Variants in CISD2 observed in about 807,000 individuals in gnomAD.
CISD2 encodes CDGSH iron-sulfur domain-containing protein 2.
In CISD2, 1 loss-of-function variant was observed where a neutral mutation model predicts 12.9. The observed-to-expected ratio is 0.08, with a 90% confidence interval of 0.03 to 0.37. CISD2 has a LOEUF of 0.37. CISD2 is among the 10% of genes least tolerant of loss of function. The probability of loss-of-function intolerance (pLI) is 0.99; values close to 1 mark genes in which losing one functional copy is unlikely to be tolerated. For synonymous variants in CISD2, 50 were observed against 60.6 expected (o/e 0.83, Z 0.81); for missense variants, 97 against 163.1 (o/e 0.59, Z 2.21).
At chr4:102,880,267 G>C (rs2110396423) in intron 1 of CISD2, among the ~76,000 whole-genome samples, 1 of 152,242 alleles carries the variant, frequency 6.6e-6, no homozygotes, top group Non-Finnish European at 1.5e-5. Context: ...TATATTGTGA[G>C]TGGGGAACAT....
rs1733505882 is a variant in CISD2 at position 102,873,227 on chromosome 4, CAGCTATTCA to C, written c.103+4043_103+4051del. 2.0e-5 allele frequency among the ~76,000 whole-genome samples: 3 copies of C among 152,248 alleles called. No homozygotes were observed. The South Asian group carries it at 6.2e-4, about 32-fold the overall frequency. On this transcript the variant is annotated intron_variant, in intron 1 of 2. Transcript: ENST00000273986. ...GTGGGGACACAAAGCCTGACCAAAT[CAGCTATTCA>C]AGTTGCTTTGAAATTTTCTTTTCTG...
rs1403611993 is a variant in CISD2 at position 102,885,254 on chromosome 4, C to T, written c.142C>T (p.Leu48Phe). The change falls in exon 2 of 3, where the codon CTC becomes TTC. Residue 48 changes from leucine (L) to phenylalanine (F), a missense_variant. Transcript: ENST00000273986. ...TCGGTTATTGCCTTTCCTTGGTGTACTCGCACTTCTTGGCTACCTTGCAGT... is the reference window on the plus strand; with the variant it reads ...TCGGTTATTGCCTTTCCTTGGTGTATTCGCACTTCTTGGCTACCTTGCAGT... ...WLRLLPFLGV[L>F]ALLGYLAVRP... 1.9e-6 allele frequency: 3 copies of T among 1,614,058 alleles called. No homozygotes were observed. The highest frequency in any genetic ancestry group is 2.5e-6 in the Non-Finnish European group (3 of 1,179,962).
intron 1 of CISD2, among the ~76,000 whole-genome samples, chr4:102,870,818 T>C (rs1046104777): frequency 6.6e-6 from 1 of 152,194 alleles, no homozygotes; most frequent in African/African-American, 2.4e-5. Context: ...AAATACTTAT[T>C]TTAGTTTTAA....
rs223332 is a variant in CISD2, at chr4:102,869,029, G to T, written c.-56G>T. The T allele has an allele frequency of 0.51, 778,378 of 1,522,694 alleles. 203,064 individuals are homozygous for T. Among genetic ancestry groups the T allele is most frequent in the African/African-American group, 0.8 (56,946 of 71,444 alleles). 94.3% of individuals were successfully genotyped at this position (1,522,694 alleles called of 1,614,324 possible). A position where few individuals can be genotyped will look rare whatever the true frequency, so the allele number is the denominator to read the frequency against. The stretch of plus-strand genomic sequence containing the variant: ...CCGCTTCCGCTCCCGGCGCAGGCGC[G>T]GCAGCTTGGCCAGAGCGGAGGGGGC... On this transcript the variant is annotated 5_prime_UTR_variant, in exon 1 of 3. Transcript: ENST00000273986.
At chr4:102,878,124 CT>C (rs562313726) in intron 1 of CISD2, among the ~76,000 whole-genome samples, 4 of 128,340 alleles carry the variant, frequency 3.1e-5, no homozygotes, top group Admixed American at 1.7e-4. Flanking sequence ...ATGGGTTTTT[CT>C]TTTTTTTGGG....
intron 1 of CISD2, among the ~76,000 whole-genome samples, chr4:102,877,476 T>TG (rs912070069): frequency 6.6e-6 from 1 of 152,220 alleles, no homozygotes; most frequent in African/African-American, 2.4e-5. Flanking sequence ...CCCATGGCCT[T>TG]GGGCAGCTCC....
intron 2 of CISD2, among the ~76,000 whole-genome samples, 177 bp from the exon 3 acceptor site, chr4:102,887,142 ACCAAATAATGAAGTAACTGTTT>A: frequency 6.6e-6 from 1 of 152,220 alleles, no homozygotes; most frequent in African/African-American, 2.4e-5. Flanking sequence ...TAAAATCTAA[ACCAAATAATGAAGTAACTGTTT>A]AAATTGTTAG....
intron 1 of CISD2, among the ~76,000 whole-genome samples, chr4:102,872,328 C>T (rs1237149504): frequency 6.6e-6 from 1 of 152,186 alleles, no homozygotes; most frequent in Admixed American, 6.5e-5. Context: ...CCTCGGCCGC[C>T]CAAAGTGCTG....
intron 1 of CISD2, among the ~76,000 whole-genome samples, chr4:102,878,460 T>G (rs896810022): frequency 6.6e-6 from 1 of 152,188 alleles, no homozygotes; most frequent in African/African-American, 2.4e-5. Flanking sequence ...ATCATCAGAC[T>G]GCAAATTTTC....
At position 102,885,207 on chromosome 4, in the gene CISD2, C is replaced by CA. The variant is rs1560905747; in HGVS notation, c.104-8dup. ...AGCACTGCAGATTCTGACACATCTA[C>CA]ATGTTTAGTTTCAGAATGGCTTCGG... On this transcript the variant is annotated splice_polypyrimidine_tract_variant and intron_variant, in intron 1 of 2. Transcript: ENST00000273986. 9 of 1,608,924 alleles carry CA rather than the reference C, an allele frequency of 5.6e-6. No individual in the cohort carries two copies. The highest frequency in any genetic ancestry group is 6.8e-6 in the Non-Finnish European group (8 of 1,175,408).
intron 1 of CISD2, chr4:102,869,622 G>A (rs1029124662): frequency 1.5e-6 from 1 of 653,804 alleles, no homozygotes; most frequent in Non-Finnish European, 2.8e-6. Context: ...GTGGGTGGGA[G>A]TGTGTGGGAG....
At position 102,892,339 on chromosome 4, in the gene CISD2, C is replaced by G. The variant is rs182994503; in HGVS notation, c.*4909C>G. 353 of 152,368 alleles carry G rather than the reference C, an allele frequency of 2.3e-3. 2 individuals carry two copies. The highest frequency in any genetic ancestry group is 8.0e-3 in the African/African-American group (331 of 41,596). 9.4% of individuals were successfully genotyped at this position (152,368 alleles called of 1,614,324 possible). A position where few individuals can be genotyped will look rare whatever the true frequency, so the allele number is the denominator to read the frequency against. ...ACTCCCAAAGTGCTGGGATTGCAGGCATGAGCAACCATGCCTGGTGTTTTA... is the reference window on the plus strand; with the variant it reads ...ACTCCCAAAGTGCTGGGATTGCAGGGATGAGCAACCATGCCTGGTGTTTTA... On this transcript the variant is annotated 3_prime_UTR_variant, in exon 3 of 3. Coordinates refer to ENST00000273986, the MANE Select transcript of CISD2 (RefSeq NM_001008388.5).
intron 1 of CISD2, among the ~76,000 whole-genome samples, chr4:102,884,278 CCTTATACT>C (rs928407713): frequency 1.3e-5 from 2 of 152,118 alleles, no homozygotes; most frequent in African/African-American, 4.8e-5. Context: ...GAGCTAGTGC[CCTTATACT>C]CTTAGCATAA....
chr4:102,873,724 G>A (rs1292435553), intron 1 of CISD2, among the ~76,000 whole-genome samples: 2 of 95,824 alleles, frequency 2.1e-5, no homozygotes, highest in African/African-American at 5.2e-5. Context: ...GAGCGAAACC[G>A]TCTCAAAAAA....
At chr4:102,886,096 A>G (rs2110401510) in intron 2 of CISD2, among the ~76,000 whole-genome samples, 1 of 152,306 alleles carries the variant, frequency 6.6e-6, no homozygotes, top group Middle Eastern at 3.4e-3. Context: ...TATCTGATAA[A>G]AAGGGAATGA....
rs766086013 is a variant in CISD2 at position 102,885,338 on chromosome 4, C to G, written c.226C>G (p.Gln76Glu). The G allele has an allele frequency of 6.2e-7, 1 of 1,613,888 alleles. No individual in the cohort carries two copies. The highest frequency in any genetic ancestry group is 8.5e-7 in the Non-Finnish European group (1 of 1,179,848). Residue 76 changes from glutamine (Q) to glutamate (E), a missense_variant, in exon 2 of 3, where the codon CAA (glutamine) becomes GAA (glutamate). Gln to Glu is a conservative substitution (Grantham distance 29). Coordinates refer to ENST00000273986, the MANE Select transcript of CISD2 (RefSeq NM_001008388.5). ...GGATAGCTTGATTAATCTTAAAATA[C>G]AAAAGGAAAATCCGAAAGTAGTGAA... ...QKDSLINLKI[Q>E]KENPKVVNEI...
In CISD2 at chr4:102,890,991, C is replaced by G. The variant is rs759488759; in HGVS notation, c.*3561C>G. The G allele has an allele frequency of 6.6e-6, 1 of 150,566 alleles. No individual in the cohort carries two copies. The highest frequency in any genetic ancestry group is 1.5e-5 in the Non-Finnish European group (1 of 67,980). The allele number at this position is 150,566 out of a possible 1,614,324, so 9.3% of individuals were successfully genotyped here. On this transcript the variant is annotated 3_prime_UTR_variant, in exon 3 of 3. Transcript: ENST00000273986. ...TGGAAAGCAGGGGTGAATTAAAGAC[C>G]ACTTTGAAGGCTGGGAAAAGCAGAT...
chr4:102,869,097 A>T lies in CISD2; in HGVS notation c.13A>T (p.Ser5Cys). 6.2e-7 allele frequency: 1 copy of T among 1,611,284 alleles called. No individual in the cohort carries two copies. Among genetic ancestry groups the T allele is most frequent in the Non-Finnish European group, 8.5e-7 (1 of 1,178,996 alleles). ...GCCGCTGGCCAGGATGGTGCTGGAG[A>T]GCGTGGCCCGTATCGTGAAGGTGCA... is the stretch of plus-strand genomic sequence containing the variant. MVLESVARIVKVQLP... is the reference protein window; with the variant it reads MVLECVARIVKVQLP... Residue 5 changes from serine (S) to cysteine (C), a missense_variant, in exon 1 of 3, where the codon AGC becomes TGC. Physicochemically the swap from Ser to Cys is moderately radical, Grantham distance 112 (BLOSUM62 -1). Coordinates refer to ENST00000273986, the MANE Select transcript of CISD2 (RefSeq NM_001008388.5).
At position 102,885,520 on chromosome 4, in the gene CISD2, GA is replaced by G. The variant is rs1733863540; in HGVS notation, c.318+91del. On this transcript the variant is annotated intron_variant, in intron 2 of 2. Coordinates refer to ENST00000273986, the MANE Select transcript of CISD2 (RefSeq NM_001008388.5). ...CCCCAGTTTTGAAGTTCTTTAAGAT[GA>G]GAGAATTTTCTGTAATATTTGGTAT... is the stretch of plus-strand genomic sequence containing the variant. The G allele has an allele frequency of 4.0e-6, 4 of 999,602 alleles. No homozygotes were observed. In the Admixed American group the frequency reaches 7.8e-5, roughly 19 times the overall value. The allele number at this position is 999,602 out of a possible 1,614,324, so 61.9% of individuals were successfully genotyped here. A position where few individuals can be genotyped will look rare whatever the true frequency, so the allele number is the denominator to read the frequency against.
Sources: gnomAD v4.1 joint callset for allele counts (sites outside exome capture counted in the v4.1 genomes callset) on GRCh38, gnomAD v4.1.1 for gene constraint, MANE v1.5 for transcripts, NCBI Gene and HGNC (gene_info 2026-07-23, HGNC 2026-07-21) for gene names.